The following TANC1 variants were observed in gnomAD, a reference collection of about 807,000 sequenced individuals.
TANC1 encodes the protein protein TANC1.
TANC1 carries 77 observed loss-of-function variants against 149.7 expected under a neutral mutation model. The observed-to-expected ratio is 0.51, with a 90% confidence interval of 0.43 to 0.62. The LOEUF is 0.62. Ranked by LOEUF, TANC1 falls within the 20% of genes least tolerant of loss-of-function variation. The pLI, the probability that TANC1 is intolerant of heterozygous loss-of-function variation, is 0.00. For synonymous variants in TANC1, 854 were observed against 925.0 expected (o/e 0.92, Z 1.39); for missense variants, 1,985 against 2,321.8 (o/e 0.85, Z 2.98).
At chr2:159,021,222 T>A (rs1038134041) in intron 2 of TANC1, among the ~76,000 whole-genome samples, 3 of 152,200 alleles carry the variant, frequency 2.0e-5, no homozygotes, top group Non-Finnish European at 2.9e-5. Flanking sequence ...ACTTTTTTTT[T>A]AATGGGTAGT....
intron 5 of TANC1, 195 bp from the exon 6 acceptor site, chr2:159,148,947 T>C: frequency 1.8e-6 from 1 of 546,080 alleles, no homozygotes; most frequent in African/African-American, 1.9e-5. Flanking sequence ...GTTTTTGTTT[T>C]ACTGTTTCCT....
At position 159,136,049 on chromosome 2, in the gene TANC1, T is replaced by TGTGTGTGTGTGTGTGTGTGTGCGA; in HGVS notation, c.260-144_260-143insTGTGTGTGTGTGTGTGTGTGCGAG. 2.2e-5 allele frequency: 2 copies of TGTGTGTGTGTGTGTGTGTGTGCGA among 90,882 alleles called. 1 individual carries two copies. The highest frequency in any genetic ancestry group is 6.2e-4 in the East Asian group (2 of 3,228). The allele number at this position is 90,882 out of a possible 1,614,324, so 5.6% of individuals were successfully genotyped here. A position where few individuals can be genotyped will look rare whatever the true frequency, so the allele number is the denominator to read the frequency against. ...GTGTGTGTGTGTGTGTGTGTGTGTG[T>TGTGTGTGTGTGTGTGTGTGTGCGA]GCGCGCGCGCGCGTTTAAGGGAGGG... On this transcript the variant is annotated intron_variant, in intron 4 of 26. Transcript: ENST00000263635.
chr2:159,205,927 G>T (rs2058575333), intron 19 of TANC1, among the ~76,000 whole-genome samples: 1 of 152,248 alleles, frequency 6.6e-6, no homozygotes, highest in South Asian at 2.1e-4. Context: ...GCGACTTGCT[G>T]TCGTACACTG....
In TANC1 at chr2:159,169,317, G is replaced by C. The variant is rs747741598; in HGVS notation, c.1014G>C (p.Thr338=). The part of the protein sequence containing the change: ...LDGQRNAPLR[T]SIRLPWHNTA... Reference sequence around the variant, plus strand: ...GGCAGAGAAATGCTCCTCTACGGACGTCAATTAGATTACCATGGCACAATA... The same window carrying C: ...GGCAGAGAAATGCTCCTCTACGGACCTCAATTAGATTACCATGGCACAATA... Residue 338 remains threonine (T), a synonymous_variant, in exon 9 of 27, where the codon ACG becomes ACC. Coordinates refer to ENST00000263635, the MANE Select transcript of TANC1 (RefSeq NM_033394.3). The C allele has an allele frequency of 6.4e-5, 104 of 1,613,818 alleles. No individual in the cohort carries two copies. The highest frequency in any genetic ancestry group is 3.3e-4 in the Middle Eastern group (2 of 6,062).
At chr2:159,136,536 A>G (rs1036764501) in intron 5 of TANC1, among the ~76,000 whole-genome samples, 1 of 152,222 alleles carries the variant, frequency 6.6e-6, no homozygotes, top group Non-Finnish European at 1.5e-5. Context: ...ATTGAGTCCT[A>G]TTTCCTCTGA....
chr2:159,178,441 G>A, intron 13 of TANC1, 115 bp from the exon 14 acceptor site: 1 of 1,238,810 alleles, frequency 8.1e-7, no homozygotes, highest in Non-Finnish European at 1.1e-6. Context: ...ATGAGTCCCT[G>A]TAATCCATGA....
chr2:159,158,465 A>C (rs553468115), intron 7 of TANC1, among the ~76,000 whole-genome samples: 1 of 152,314 alleles, frequency 6.6e-6, no homozygotes, highest in South Asian at 2.1e-4. Context: ...CAGTGAGTTG[A>C]AGTGCAAAAA....
chr2:159,026,695 G>C (rs530620540), intron 2 of TANC1, among the ~76,000 whole-genome samples: 58 of 152,180 alleles, frequency 3.8e-4, no homozygotes, highest in African/African-American at 1.3e-3. Flanking sequence ...CTTGCTGCTT[G>C]TACCTTCTGG....
intron 5 of TANC1, among the ~76,000 whole-genome samples, chr2:159,147,036 A>G (rs1277187131): frequency 6.6e-6 from 1 of 152,172 alleles, no homozygotes; most frequent in East Asian, 1.9e-4. Flanking sequence ...CCCCTGCTGC[A>G]CATAGGACCT....
At chr2:159,017,845 G>T (rs990593802) in intron 2 of TANC1, among the ~76,000 whole-genome samples, 1 of 151,982 alleles carries the variant, frequency 6.6e-6, no homozygotes, top group African/African-American at 2.4e-5. Flanking sequence ...TGCATATTCT[G>T]CACATGTATC....
intron 19 of TANC1, among the ~76,000 whole-genome samples, chr2:159,216,398 TCCTC>T (rs2059348092): frequency 2.0e-5 from 3 of 152,210 alleles, no homozygotes; most frequent in Admixed American, 2.0e-4. Flanking sequence ...TCCATCTCCT[TCCTC>T]CCTCCAGAGG....
intron 2 of TANC1, among the ~76,000 whole-genome samples, chr2:159,027,395 T>G (rs564133671): frequency 6.6e-6 from 1 of 152,312 alleles, no homozygotes; most frequent in African/African-American, 2.4e-5. Context: ...GCCAAGCTTG[T>G]TGCTACTTTG....
chr2:159,219,975 A>AGTGTGTGTGTGTGTGT, intron 22 of TANC1, 108 bp downstream of exon 22: 1 of 745,460 alleles, frequency 1.3e-6, no homozygotes, highest in South Asian at 2.0e-5. Context: ...GTGTCATCAG[A>AGTGTGTGTGTGTGTGT]GAGTGTGTGT....
chr2:159,153,682 A>G (rs1373362037), intron 7 of TANC1, among the ~76,000 whole-genome samples: 1 of 144,580 alleles, frequency 6.9e-6, no homozygotes, highest in Non-Finnish European at 1.5e-5. Context: ...TGGGGACAGA[A>G]AGGGGAAGAG....
intron 25 of TANC1, 96 bp from the exon 26 acceptor site, chr2:159,228,700 T>C (rs2060165486): frequency 9.8e-6 from 8 of 817,244 alleles, no homozygotes; most frequent in Non-Finnish European, 1.5e-5. Context: ...TGGCTGTGCC[T>C]CAGAGCGCTG....
At chr2:158,974,372 C>T (rs1229819162) in intron 1 of TANC1, among the ~76,000 whole-genome samples, 1 of 152,182 alleles carries the variant, frequency 6.6e-6, no homozygotes, top group Non-Finnish European at 1.5e-5. Context: ...ATGCTTAAGT[C>T]CCTTATTAAA....
At chr2:159,170,399 C>A in intron 9 of TANC1, 125 bp from the exon 10 acceptor site, 1 of 859,626 alleles carries the variant, frequency 1.2e-6, no homozygotes, top group Non-Finnish European at 1.8e-6. Context: ...ATTGGAAATG[C>A]TTACAGACAG....
At chr2:159,198,042 T>C (rs1369319132) in intron 18 of TANC1, among the ~76,000 whole-genome samples, 1 of 152,192 alleles carries the variant, frequency 6.6e-6, no homozygotes, top group African/African-American at 2.4e-5. Flanking sequence ...TGAAGCCACC[T>C]GTATTTTTTA....
intron 4 of TANC1, among the ~76,000 whole-genome samples, chr2:159,135,382 G>A (rs1204956133): frequency 1.3e-5 from 2 of 152,244 alleles, no homozygotes; most frequent in Admixed American, 6.5e-5. Context: ...GTGAGCATTC[G>A]TGTACAAGTT....
Sources: allele counts gnomAD v4.1 joint callset (sites outside exome capture counted in the v4.1 genomes callset), GRCh38; gene constraint gnomAD v4.1.1; transcripts MANE v1.5; gene names NCBI Gene and HGNC (gene_info 2026-07-23, HGNC 2026-07-21).